The following POLA1 variants were observed in gnomAD, a reference collection of about 807,000 sequenced individuals.
POLA1 encodes DNA polymerase alpha catalytic subunit.
POLA1 carries 15 observed loss-of-function variants against 124.0 expected under a neutral mutation model. The observed-to-expected ratio is 0.12, with a 90% CI of 0.08 to 0.19. The LOEUF (loss-of-function observed/expected upper bound fraction) is 0.19. Among genes scored for constraint, POLA1 ranks in the 10% least tolerant of loss-of-function variants. POLA1 has a pLI of 1.00. For missense variants in POLA1, 886 were observed against 1,103.4 expected (o/e 0.80, Z 2.79); for synonymous variants, 408 against 389.4 (o/e 1.05, Z -0.56).
chrX:24,742,171 C>T (rs201164972), intron 22 of POLA1, 50 bp downstream of exon 22: 11,847 of 570,340 alleles, frequency 0.021, 76 homozygotes, highest in Non-Finnish European at 0.026. Context: ...CCCCCCCCCC[C>T]TTTTAATACC....
intron 36 of POLA1, among the ~76,000 whole-genome samples, chrX:24,973,839 C>T (rs754380049): frequency 2.7e-5 from 3 of 111,450 alleles, no homozygotes; most frequent in Non-Finnish European, 3.8e-5. Flanking sequence ...TACCCACCCC[C>T]ACACAAGCTT....
chrX:24,855,014 ATG>A (rs1010106391), intron 34 of POLA1, among the ~76,000 whole-genome samples: 2 of 111,933 alleles, frequency 1.8e-5, no homozygotes, highest in African/African-American at 6.5e-5. Context: ...ACACAGGAAA[ATG>A]TGAGATAAAT....
chrX:24,872,842 T>A (rs2046884044), intron 34 of POLA1, among the ~76,000 whole-genome samples: 1 of 111,868 alleles, frequency 8.9e-6, no homozygotes, highest in Non-Finnish European at 1.9e-5. Flanking sequence ...AGTAATGTTG[T>A]TAATAATTGT....
At chrX:24,791,837 C>T (rs1310553243) in intron 26 of POLA1, among the ~76,000 whole-genome samples, 1 of 111,841 alleles carries the variant, frequency 8.9e-6, no homozygotes, top group Non-Finnish European at 1.9e-5. Context: ...AGTTCTTATC[C>T]ATGAAAAAAT....
chrX:24,835,406 T>G (rs2046328956), intron 32 of POLA1, among the ~76,000 whole-genome samples: 1 of 111,569 alleles, frequency 9.0e-6, no homozygotes, highest in Admixed American at 9.5e-5. Context: ...TACATTATTA[T>G]CACATCACAC....
intron 10 of POLA1, among the ~76,000 whole-genome samples, chrX:24,718,485 G>A (rs1038058647): frequency 9.9e-5 from 11 of 111,663 alleles, no homozygotes; most frequent in Non-Finnish European, 2.1e-4. Context: ...TTGTAGCATA[G>A]TAATCAAGTG....
intron 32 of POLA1, among the ~76,000 whole-genome samples, chrX:24,832,436 A>C (rs1173990307): frequency 8.9e-6 from 1 of 112,168 alleles, no homozygotes; most frequent in African/African-American, 3.2e-5. Context: ...CTCATCTCAC[A>C]TAAGCAGTGA....
chrX:24,915,754 A>G (rs987875846), intron 35 of POLA1, among the ~76,000 whole-genome samples: 1 of 112,027 alleles, frequency 8.9e-6, no homozygotes, highest in African/African-American at 3.2e-5. Flanking sequence ...TACCTTCTAT[A>G]TGCCAGTACC....
chrX:24,934,000 T>C (rs749853383), intron 36 of POLA1, among the ~76,000 whole-genome samples: 106 of 112,119 alleles, frequency 9.5e-4, no homozygotes, highest in Non-Finnish European at 1.6e-3. Flanking sequence ...TGCTCCAGAA[T>C]GTACACAGAT....
chrX:24,979,167 T>G (rs1366916144), intron 36 of POLA1, among the ~76,000 whole-genome samples: 1 of 112,294 alleles, frequency 8.9e-6, no homozygotes, highest in East Asian at 2.8e-4. Flanking sequence ...ATTTAGATTT[T>G]CTTTACTAGG....
At chrX:24,980,173 T>TA (rs2048405622) in intron 36 of POLA1, among the ~76,000 whole-genome samples, 1 of 112,039 alleles carries the variant, frequency 8.9e-6, no homozygotes, top group Non-Finnish European at 1.9e-5. Context: ...CTTCACTTTG[T>TA]AGAACTCGTC....
At chrX:24,987,101 TCTCA>T (rs1480056951) in intron 36 of POLA1, among the ~76,000 whole-genome samples, 6 of 112,151 alleles carry the variant, frequency 5.3e-5, no homozygotes, top group African/African-American at 1.9e-4. Flanking sequence ...ATTCTCACTC[TCTCA>T]CTCACTCACT....
chrX:24,920,410 C>A (rs750716461), intron 35 of POLA1, among the ~76,000 whole-genome samples: 2 of 110,744 alleles, frequency 1.8e-5, no homozygotes, highest in African/African-American at 6.6e-5. Context: ...TGAACTATAA[C>A]CTGAATGTGA....
At chrX:24,981,879 C>G (rs1268940305) in intron 36 of POLA1, among the ~76,000 whole-genome samples, 1 of 112,146 alleles carries the variant, frequency 8.9e-6, no homozygotes, top group African/African-American at 3.2e-5. Flanking sequence ...TTGTTTTGTT[C>G]TGCTATTACT....
intron 32 of POLA1, among the ~76,000 whole-genome samples, chrX:24,829,154 C>T (rs2046221635): frequency 9.0e-6 from 1 of 111,084 alleles, no homozygotes; most frequent in African/African-American, 3.3e-5. Context: ...CCCATCACTC[C>T]TGCCTCACAA....
intron 26 of POLA1, among the ~76,000 whole-genome samples, chrX:24,786,554 G>C (rs368226482): frequency 9.2e-6 from 1 of 108,466 alleles, no homozygotes; most frequent in Non-Finnish European, 1.9e-5. Context: ...TGTTTCCTAG[G>C]CTGGAGTCCA....
chrX:24,712,499 T>C (rs1350961671), intron 4 of POLA1, among the ~76,000 whole-genome samples: 2 of 112,573 alleles, frequency 1.8e-5, no homozygotes, highest in East Asian at 5.5e-4. Flanking sequence ...CTTTTAAGTT[T>C]TTAAAAGTTC....
chrX:24,896,206 G>T (rs927795793), intron 35 of POLA1, among the ~76,000 whole-genome samples: 1 of 111,189 alleles, frequency 9.0e-6, no homozygotes, highest in Non-Finnish European at 1.9e-5. Flanking sequence ...GGGAGGTGCC[G>T]CTGGCATCTC....
intron 5 of POLA1, 83 bp from the exon 6 acceptor site, chrX:24,715,058 T>G (rs1929730884): frequency 1.5e-6 from 1 of 660,657 alleles, no homozygotes; most frequent in Non-Finnish European, 2.4e-6. Context: ...GCTAGGTCCT[T>G]CCTTTCATAT....
Sources: gnomAD v4.1 joint callset for allele counts (sites outside exome capture counted in the v4.1 genomes callset) on GRCh38, gnomAD v4.1.1 for gene constraint, MANE v1.5 for transcripts, NCBI Gene and HGNC (gene_info 2026-07-23, HGNC 2026-07-21) for gene names.